The following PRRX1 variants were observed in gnomAD, a reference collection of about 807,000 sequenced individuals.
PRRX1 encodes the protein paired mesoderm homeobox protein 1.
In PRRX1, 8 loss-of-function variants were observed where a neutral mutation model predicts 24.0. The ratio of observed to expected loss-of-function variants is 0.33; its 90% CI spans 0.20 to 0.60. PRRX1 has a LOEUF of 0.60. Ranked by LOEUF, PRRX1 falls within the 20% of genes least tolerant of loss-of-function variation. The pLI, the probability that PRRX1 is intolerant of heterozygous loss-of-function variation, is 0.82. For synonymous variants in PRRX1, 160 were observed against 131.7 expected (o/e 1.22, Z -1.47); for missense variants, 281 against 322.4 (o/e 0.87, Z 0.98).
chr1:170,721,465 TG>T (rs1655082484), intron 2 of PRRX1, among the ~76,000 whole-genome samples: 1 of 152,120 alleles, frequency 6.6e-6, no homozygotes. Flanking sequence ...GAGACCACTG[TG>T]GAGTTGATGC....
At chr1:170,695,851 C>G (rs1360907001) in intron 1 of PRRX1, among the ~76,000 whole-genome samples, 1 of 146,736 alleles carries the variant, frequency 6.8e-6, no homozygotes, top group Admixed American at 6.9e-5. Context: ...TTTTCCCCCC[C>G]TCTCTATTCT....
chr1:170,695,782 C>CA (rs1654146409), intron 1 of PRRX1, among the ~76,000 whole-genome samples: 2 of 152,112 alleles, frequency 1.3e-5, no homozygotes, highest in African/African-American at 2.4e-5. Flanking sequence ...TCTTTTCCTT[C>CA]AAATATCGTG....
At chr1:170,730,169 C>A in intron 3 of PRRX1, 3 of 952,706 alleles carry the variant, frequency 3.1e-6, no homozygotes, top group Non-Finnish European at 5.2e-6. Flanking sequence ...TTGTCCACAG[C>A]TTCCCTCCCC....
At chr1:170,719,373 C>A (rs1655009983) in intron 1 of PRRX1, among the ~76,000 whole-genome samples, 1 of 152,122 alleles carries the variant, frequency 6.6e-6, no homozygotes, top group South Asian at 2.1e-4. Context: ...GGTACAAAAC[C>A]ATTTACTCTT....
chr1:170,728,361 A>G (rs1477099211), intron 3 of PRRX1: 4 of 152,232 alleles, frequency 2.6e-5, no homozygotes, highest in African/African-American at 9.6e-5. Flanking sequence ...TTTTAATGGA[A>G]AGAATTATGT....
At chr1:170,730,412 G>C (rs142865784) in intron 3 of PRRX1, 2 of 1,363,274 alleles carry the variant, frequency 1.5e-6, no homozygotes, top group African/African-American at 2.9e-5. Flanking sequence ...AATTCAGAGT[G>C]TTTAAGAAAG....
rs1218864964 is a variant in PRRX1, at chr1:170,738,937, T to A, written c.*2751T>A. 2 of 227,758 alleles carry A rather than the reference T, an allele frequency of 8.8e-6. No homozygotes were observed. The highest frequency in any genetic ancestry group is 1.7e-5 in the Non-Finnish European group (2 of 114,656). 14.1% of individuals were successfully genotyped at this position (227,758 alleles called of 1,614,324 possible). Reference sequence around the variant, plus strand: ...ATTCACTGCTGGTGAACCAATACCATAAGCATGTATTATCTAAGCACTTGA... The same window carrying A: ...ATTCACTGCTGGTGAACCAATACCAAAAGCATGTATTATCTAAGCACTTGA... On this transcript the variant is annotated 3_prime_UTR_variant, in exon 4 of 4. Coordinates refer to ENST00000239461, the MANE Select transcript of PRRX1 (RefSeq NM_022716.4).
chr1:170,735,941 G>T (rs1304138114), intron 3 of PRRX1, 107 bp from the exon 4 acceptor site: 1 of 1,478,234 alleles, frequency 6.8e-7, no homozygotes, highest in East Asian at 2.3e-5. Context: ...CCAAGCCATT[G>T]CCCCTGCCTG....
At chr1:170,687,590 A>G (rs1653789364) in intron 1 of PRRX1, among the ~76,000 whole-genome samples, 1 of 152,160 alleles carries the variant, frequency 6.6e-6, no homozygotes, top group Non-Finnish European at 1.5e-5. Context: ...GGATTATAAT[A>G]CATCCTTTAT....
At chr1:170,682,837 A>C (rs1653601014) in intron 1 of PRRX1, among the ~76,000 whole-genome samples, 1 of 152,258 alleles carries the variant, frequency 6.6e-6, no homozygotes, top group African/African-American at 2.4e-5. Context: ...GAAACAGCCT[A>C]TTTGAGCAGG....
chr1:170,680,011 G>A (rs878982705), intron 1 of PRRX1, among the ~76,000 whole-genome samples: 9 of 152,078 alleles, frequency 5.9e-5, no homozygotes. Context: ...TTTTGAAAAG[G>A]TTGTGTACGA....
intron 1 of PRRX1, among the ~76,000 whole-genome samples, chr1:170,698,461 C>T (rs1654247540): frequency 6.6e-6 from 1 of 152,078 alleles, no homozygotes; most frequent in African/African-American, 2.4e-5. Context: ...CAGCTCAATG[C>T]AAAAAGGCTT....
chr1:170,713,504 C>T (rs1465520610), intron 1 of PRRX1, among the ~76,000 whole-genome samples: 1 of 152,130 alleles, frequency 6.6e-6, no homozygotes, highest in East Asian at 1.9e-4. Context: ...AAATATATAA[C>T]AAAGAAGCTA....
chr1:170,737,286 T>A lies in PRRX1; in HGVS notation c.*1100T>A, dbSNP rs1414568650. 4.9e-5 allele frequency: 9 copies of A among 185,036 alleles called. No homozygotes were observed. The Admixed American group carries it at 5.6e-4, about 12-fold the overall frequency. The allele number at this position is 185,036 out of a possible 1,614,324, so 11.5% of individuals were successfully genotyped here. Reference sequence around the variant, plus strand: ...ATAGTGATGAAACATTAATTAGGGATCTTGCTGCTTTTCTTTTTCTACACG... The same window carrying A: ...ATAGTGATGAAACATTAATTAGGGAACTTGCTGCTTTTCTTTTTCTACACG... On this transcript the variant is annotated 3_prime_UTR_variant, in exon 4 of 4. Transcript: ENST00000239461.
At chr1:170,731,580 A>T (rs1232537748) in intron 3 of PRRX1, among the ~76,000 whole-genome samples, 1 of 152,202 alleles carries the variant, frequency 6.6e-6, no homozygotes, top group African/African-American at 2.4e-5. Context: ...AAATCGTAGT[A>T]CGAATAGTAT....
rs1655026920 is a variant in PRRX1 at position 170,719,891 on chromosome 1, C to G, written c.407C>G (p.Ala136Gly). The change falls in exon 2 of 4, where the codon GCG becomes GGG. Residue 136 changes from alanine (A) to glycine (G), a missense_variant. Physicochemically the swap from Ala to Gly is moderately conservative, Grantham distance 60. Coordinates refer to ENST00000239461, the MANE Select transcript of PRRX1 (RefSeq NM_022716.4). ...GCCCGCCGGGTGAACCTCACCGAGG[C>G]GAGAGTGCAGGTAACTCAAGCTGTG... is the stretch of plus-strand genomic sequence containing the variant. ...DLARRVNLTE[A>G]RVQVWFQNRR... is the part of the protein sequence containing the mutation. 1 of 1,613,856 alleles carries G rather than the reference C, an allele frequency of 6.2e-7. No individual in the cohort carries two copies. Among genetic ancestry groups the G allele is most frequent in the Admixed American group, 1.7e-5 (1 of 60,002 alleles).
intron 1 of PRRX1, among the ~76,000 whole-genome samples, chr1:170,667,008 G>C (rs1363894016): frequency 6.6e-6 from 1 of 152,116 alleles, no homozygotes; most frequent in Non-Finnish European, 1.5e-5. Flanking sequence ...AGGAGCGCTC[G>C]AGGACAAGCT....
intron 1 of PRRX1, among the ~76,000 whole-genome samples, chr1:170,718,513 G>A (rs1305085776): frequency 6.6e-6 from 1 of 152,202 alleles, no homozygotes; most frequent in East Asian, 1.9e-4. Context: ...CATATTAGAA[G>A]AGAGAGCCAA....
At chr1:170,733,944 A>C (rs947504158) in intron 3 of PRRX1, among the ~76,000 whole-genome samples, 1 of 152,124 alleles carries the variant, frequency 6.6e-6, no homozygotes, top group Non-Finnish European at 1.5e-5. Context: ...GTCCCACTTT[A>C]GTGTATCGTT....
Sources: allele counts gnomAD v4.1 joint callset (sites outside exome capture counted in the v4.1 genomes callset), GRCh38; gene constraint gnomAD v4.1.1; transcripts MANE v1.5; gene names NCBI Gene and HGNC (gene_info 2026-07-23, HGNC 2026-07-21).